MYT1L: variants seen among roughly 807,000 people sequenced by gnomAD.
MYT1L encodes myelin transcription factor 1-like protein.
In MYT1L, 12 loss-of-function variants were observed where a neutral mutation model predicts 126.7. That is an observed-to-expected ratio of 0.09 (90% confidence interval 0.06 to 0.15). The LOEUF (loss-of-function observed/expected upper bound fraction) is 0.15, where lower values mean the gene tolerates loss of function less well. Ranked by LOEUF, MYT1L falls within the 10% of genes least tolerant of loss-of-function variation. The probability of loss-of-function intolerance (pLI) is 1.00; values close to 1 mark genes in which losing one functional copy is unlikely to be tolerated. For missense variants in MYT1L, 979 were observed against 1,585.2 expected (o/e 0.62, Z 6.49); for synonymous variants, 541 against 604.2 (o/e 0.90, Z 1.53).
chr2:1,797,294 GCT>G (rs2033768009), intron 23 of MYT1L, among the ~76,000 whole-genome samples: 1 of 152,172 alleles, frequency 6.6e-6, no homozygotes, highest in Non-Finnish European at 1.5e-5. Context: ...CGCGATCTTG[GCT>G]CTCTGCAAGC....
chr2:2,286,361 G>C (rs1210810333), intron 1 of MYT1L, among the ~76,000 whole-genome samples: 1 of 152,162 alleles, frequency 6.6e-6, no homozygotes, highest in Admixed American at 6.5e-5. Flanking sequence ...CTCTTTTGCA[G>C]ATAGAATTGA....
At chr2:2,166,163 T>C (rs1426056665) in intron 3 of MYT1L, among the ~76,000 whole-genome samples, 2 of 152,216 alleles carry the variant, frequency 1.3e-5, no homozygotes, top group Non-Finnish European at 2.9e-5. Flanking sequence ...TTCTTAATTA[T>C]CTAGCCTGCC....
chr2:1,837,586 G>A (rs1009572598), intron 21 of MYT1L, among the ~76,000 whole-genome samples: 3 of 152,106 alleles, frequency 2.0e-5, no homozygotes, highest in Non-Finnish European at 4.4e-5. Flanking sequence ...TTCACGCGGA[G>A]TTCTTTGTAA....
intron 4 of MYT1L, among the ~76,000 whole-genome samples, chr2:2,012,414 A>G (rs997803953): frequency 8.5e-5 from 13 of 152,198 alleles, no homozygotes; most frequent in African/African-American, 2.4e-4. Flanking sequence ...CAGAATGGAG[A>G]AAGTTGCAGA....
intron 8 of MYT1L, among the ~76,000 whole-genome samples, chr2:1,964,168 G>A (rs1023719004): frequency 6.6e-6 from 1 of 152,150 alleles, no homozygotes. Context: ...TGAGGAGCAG[G>A]GAGAGGTGGT....
chr2:2,313,210 A>G (rs976488583), intron 1 of MYT1L, among the ~76,000 whole-genome samples: 10 of 152,198 alleles, frequency 6.6e-5, no homozygotes, highest in Admixed American at 6.5e-4. Context: ...CATCTTTATA[A>G]AAAGTAAAGC....
At chr2:2,206,786 C>G (rs1038360919) in intron 2 of MYT1L, among the ~76,000 whole-genome samples, 1 of 152,202 alleles carries the variant, frequency 6.6e-6, no homozygotes, top group Admixed American at 6.5e-5. Context: ...TGCCTACTTA[C>G]TCTCCTACTA....
At chr2:1,898,883 G>A (rs569606748) in intron 14 of MYT1L, among the ~76,000 whole-genome samples, 1 of 152,350 alleles carries the variant, frequency 6.6e-6, no homozygotes, top group Non-Finnish European at 1.5e-5. Flanking sequence ...CACTCCAGAG[G>A]AGTCATGAAG....
intron 4 of MYT1L, among the ~76,000 whole-genome samples, chr2:2,012,770 C>T (rs1368150348): frequency 6.6e-6 from 1 of 152,158 alleles, no homozygotes; most frequent in Non-Finnish European, 1.5e-5. Context: ...CCTACCCACC[C>T]GTCAGTCACT....
intron 8 of MYT1L, among the ~76,000 whole-genome samples, chr2:1,953,647 CTAAT>C (rs1225050588): frequency 6.6e-6 from 1 of 152,192 alleles, no homozygotes; most frequent in African/African-American, 2.4e-5. Flanking sequence ...GCTTTGCCAT[CTAAT>C]TAATTATTCC....
intron 23 of MYT1L, among the ~76,000 whole-genome samples, chr2:1,797,645 G>A (rs961711196): frequency 4.6e-5 from 7 of 152,210 alleles, no homozygotes; most frequent in South Asian, 2.1e-4. Context: ...CGCACTAATT[G>A]GACCTCAAAT....
At chr2:2,252,100 C>T (rs1349168201) in intron 2 of MYT1L, among the ~76,000 whole-genome samples, 1 of 152,080 alleles carries the variant, frequency 6.6e-6, no homozygotes, top group Non-Finnish European at 1.5e-5. Context: ...TTCTCCATTC[C>T]TCCTCTCAAG....
rs534015086 is a variant in MYT1L, at chr2:1,930,028, G to A, written c.506-6765C>T. On this transcript the variant is annotated intron_variant, in intron 9 of 24. Coordinates refer to ENST00000647738, the MANE Select transcript of MYT1L (RefSeq NM_001303052.2). ...GCTTCGAGTCAGAAAGACAGATCTC[G>A]GCTTCATGTCCTGCATGCTCCCTCA... Among the ~76,000 whole-genome samples, 42 of 152,326 alleles carry A rather than the reference G, an allele frequency of 2.8e-4. 1 individual carries two copies. In the South Asian group the frequency reaches 4.6e-3, roughly 17 times the overall value.
chr2:2,246,155 G>A (rs759675520), intron 2 of MYT1L, among the ~76,000 whole-genome samples: 1 of 152,176 alleles, frequency 6.6e-6, no homozygotes, highest in Non-Finnish European at 1.5e-5. Context: ...CACCTGGTAT[G>A]TTTTCCTGCA....
At chr2:2,230,673 G>A (rs1441841016) in intron 2 of MYT1L, among the ~76,000 whole-genome samples, 3 of 152,124 alleles carry the variant, frequency 2.0e-5, no homozygotes, top group Admixed American at 6.5e-5. Context: ...GGCTGTCAGC[G>A]GGCTCCACCG....
intron 3 of MYT1L, among the ~76,000 whole-genome samples, chr2:2,155,133 A>G (rs1340082299): frequency 7.2e-6 from 1 of 139,444 alleles, no homozygotes; most frequent in Non-Finnish European, 1.7e-5. Context: ...ATCTCAATCA[A>G]TCAATCAATC....
At chr2:1,829,734 T>TCCCATACACCTGTGAATTGACCC (rs1558679526) in intron 21 of MYT1L, among the ~76,000 whole-genome samples, 2 of 49,864 alleles carry the variant, frequency 4.0e-5, no homozygotes, top group Non-Finnish European at 6.9e-5. Flanking sequence ...TGAATTGACC[T>TCCCATACACCTGTGAATTGACCC]TCCCATACAC....
intron 2 of MYT1L, among the ~76,000 whole-genome samples, chr2:2,227,367 C>T (rs1040168815): frequency 3.3e-5 from 5 of 152,194 alleles, no homozygotes; most frequent in Admixed American, 3.3e-4. Flanking sequence ...ATCTAATTGG[C>T]ATCTCAAGCT....
Position 1,929,714 on chromosome 2 carries a change from C to T in MYT1L, c.506-6451G>A, listed in dbSNP as rs191032805. On this transcript the variant is annotated intron_variant, in intron 9 of 24. Coordinates refer to ENST00000647738, the MANE Select transcript of MYT1L (RefSeq NM_001303052.2). This position sits in a 1 kb window ranked among gnomAD's most constrained non-coding sequence, Gnocchi z 4.7. ...TTAGCACAGACATTTTCTCCAGTGC[C>T]GGCCATTGCCATTTTCTTTGAATTT... is the stretch of plus-strand genomic sequence containing the variant. Among the ~76,000 whole-genome samples, 8 of 152,306 alleles carry T rather than the reference C, an allele frequency of 5.3e-5. No homozygotes were observed. The East Asian group carries it at 9.7e-4, about 18-fold the overall frequency.
Sources: allele counts gnomAD v4.1 joint callset (sites outside exome capture counted in the v4.1 genomes callset), GRCh38; gene constraint gnomAD v4.1.1; non-coding constraint Gnocchi (gnomAD v3.1); transcripts MANE v1.5; gene names NCBI Gene and HGNC (gene_info 2026-07-23, HGNC 2026-07-21).